BMAL1: variants seen among roughly 807,000 people sequenced by gnomAD.
BMAL1 encodes the protein basic helix-loop-helix ARNT-like protein 1.
At chr11:13,334,943 A>G in the BMAL1 span, among the ~76,000 whole-genome samples, 3 of 152,194 alleles carry the variant, frequency 2.0e-5, no homozygotes, top group Non-Finnish European at 4.4e-5. Context: ...GGATTGAACC[A>G]TCTTTCTCTT....
chr11:13,365,403 G>T, the BMAL1 span: 5 of 1,031,192 alleles, frequency 4.8e-6, no homozygotes, highest in South Asian at 1.5e-5. Flanking sequence ...CCTGTGCTTT[G>T]GATGCTTAGA....
At chr11:13,338,210 G>T in the BMAL1 span, among the ~76,000 whole-genome samples, 1 of 151,444 alleles carries the variant, frequency 6.6e-6, no homozygotes, top group East Asian at 1.9e-4. Context: ...AATTCTTCTT[G>T]CCAGAAGGAG....
chr11:13,315,966 T>C, the BMAL1 span, among the ~76,000 whole-genome samples: 2 of 152,236 alleles, frequency 1.3e-5, no homozygotes, highest in East Asian at 3.9e-4. Flanking sequence ...TGGTTCTGCA[T>C]CAGAACCAGC....
the BMAL1 span, among the ~76,000 whole-genome samples, chr11:13,284,100 G>GTATATATATATATA: frequency 1.1e-5 from 1 of 87,470 alleles, no homozygotes; most frequent in Admixed American, 1.4e-4. Flanking sequence ...GTGTGTGTGT[G>GTATATATATATATA]TGTGTGTGTG....
At chr11:13,329,894 A>G in the BMAL1 span, among the ~76,000 whole-genome samples, 1 of 152,236 alleles carries the variant, frequency 6.6e-6, no homozygotes, top group Non-Finnish European at 1.5e-5. Flanking sequence ...CTCACCTGTC[A>G]TGTCGATAGT....
the BMAL1 span, among the ~76,000 whole-genome samples, chr11:13,326,731 A>T: frequency 6.6e-6 from 1 of 151,554 alleles, no homozygotes; most frequent in African/African-American, 2.4e-5. Flanking sequence ...GGTATTATAT[A>T]TATATATATC....
At chr11:13,348,342 G>C in the BMAL1 span, among the ~76,000 whole-genome samples, 1 of 152,190 alleles carries the variant, frequency 6.6e-6, no homozygotes, top group African/African-American at 2.4e-5. Flanking sequence ...TTTGAACTTT[G>C]TTTGGAAGAC....
At chr11:13,376,743 C>T in the BMAL1 span, 1 of 1,609,362 alleles carries the variant, frequency 6.2e-7, no homozygotes, top group Non-Finnish European at 8.5e-7. Flanking sequence ...CTATGTGCTG[C>T]TGGGGCCCTG....
chr11:13,288,394 T>TTTTCTTTCTTTCTTCTTTC, the BMAL1 span, among the ~76,000 whole-genome samples: 1 of 43,302 alleles, frequency 2.3e-5, no homozygotes, highest in African/African-American at 5.5e-5. Flanking sequence ...GGATTTTCTT[T>TTTTCTTTCTTTCTTCTTTC]TTTCTTTCTT....
chr11:13,366,813 A>T, the BMAL1 span: 1 of 1,586,518 alleles, frequency 6.3e-7, no homozygotes, highest in Non-Finnish European at 8.6e-7. Flanking sequence ...GCATTTCCTC[A>T]GCAGCCCACT....
At chr11:13,356,453 C>T in the BMAL1 span, 1 of 577,070 alleles carries the variant, frequency 1.7e-6, no homozygotes. Flanking sequence ...CTACATATTC[C>T]CAATTTTCAA....
At chr11:13,297,316 AG>A in the BMAL1 span, among the ~76,000 whole-genome samples, 1 of 152,334 alleles carries the variant, frequency 6.6e-6, no homozygotes, top group Admixed American at 6.5e-5. Context: ...GTAGGGATGA[AG>A]GAGTTGCCCA....
At chr11:13,356,609 T>C in the BMAL1 span, 3 of 1,017,738 alleles carry the variant, frequency 2.9e-6, no homozygotes, top group South Asian at 4.8e-5. Context: ...ACATCATTAA[T>C]TGATACTGTG....
chr11:13,375,693 G>A, the BMAL1 span: 5 of 1,604,392 alleles, frequency 3.1e-6, no homozygotes, highest in African/African-American at 2.7e-5. Context: ...CTACGGAGTC[G>A]ATGGTTCAGT....
the BMAL1 span, among the ~76,000 whole-genome samples, chr11:13,289,579 G>A: frequency 1.3e-5 from 2 of 152,114 alleles, no homozygotes; most frequent in African/African-American, 2.4e-5. Flanking sequence ...TCCCCGCCCC[G>A]TGTCCAAGTG....
chr11:13,319,533 C>T, the BMAL1 span, among the ~76,000 whole-genome samples: 2 of 152,136 alleles, frequency 1.3e-5, no homozygotes, highest in African/African-American at 4.8e-5. Context: ...TCTTAAAAGC[C>T]TCACAAATAA....
At chr11:13,321,533 C>G in the BMAL1 span, among the ~76,000 whole-genome samples, 1 of 152,068 alleles carries the variant, frequency 6.6e-6, no homozygotes, top group Non-Finnish European at 1.5e-5. Context: ...TGCTTGGGGT[C>G]CTGCTCATAG....
the BMAL1 span, among the ~76,000 whole-genome samples, chr11:13,290,272 A>C: frequency 6.6e-6 from 1 of 152,208 alleles, no homozygotes; most frequent in Non-Finnish European, 1.5e-5. Context: ...GCATGGACGG[A>C]AAAGTTAGGC....
At chr11:13,360,254 A>C in the BMAL1 span, 1 of 1,110,376 alleles carries the variant, frequency 9.0e-7, no homozygotes, top group Non-Finnish European at 1.4e-6. Flanking sequence ...CATAGAGACT[A>C]GGCCACTTAC....
Sources: allele counts gnomAD v4.1 joint callset (sites outside exome capture counted in the v4.1 genomes callset), GRCh38; gene constraint gnomAD v4.1.1; transcripts MANE v1.5; gene names NCBI Gene and HGNC (gene_info 2026-07-23, HGNC 2026-07-21).